The following ADAMTS18 variants were observed in gnomAD, a reference collection of about 807,000 sequenced individuals.
ADAMTS18 encodes ADAM metallopeptidase with thrombospondin type 1 motif 18.
In ADAMTS18, 157 loss-of-function variants were observed where a neutral mutation model predicts 165.9. That is an observed-to-expected ratio of 0.95 (90% confidence interval 0.83 to 1.08). ADAMTS18 has a LOEUF of 1.08. ADAMTS18 is among the 50% of genes least tolerant of loss of function. ADAMTS18 has a pLI of 0.00. For missense variants in ADAMTS18, 2,040 were observed against 1,534.0 expected (o/e 1.33, Z -5.51); for synonymous variants, 782 against 578.2 (o/e 1.35, Z -5.06).
intron 22 of ADAMTS18, among the ~76,000 whole-genome samples, chr16:77,285,690 C>T (rs2055236792): frequency 6.6e-6 from 1 of 152,150 alleles, no homozygotes; most frequent in African/African-American, 2.4e-5. Context: ...TAATTACTAA[C>T]AGCTGGTTGT....
intron 19 of ADAMTS18, 33 bp downstream of exon 19, chr16:77,294,890 G>A (rs373078127): frequency 6.0e-5 from 97 of 1,608,562 alleles, no homozygotes; most frequent in Non-Finnish European, 7.3e-5. Flanking sequence ...CATGGGGACC[G>A]AGAATAGTAA....
intron 3 of ADAMTS18, among the ~76,000 whole-genome samples, chr16:77,400,955 A>G (rs1019836908): frequency 6.6e-6 from 1 of 151,882 alleles, no homozygotes; most frequent in African/African-American, 2.4e-5. Context: ...CTCAGGCTCT[A>G]TTTTGAAAGA....
At chr16:77,338,925 G>A (rs1300587028) in intron 11 of ADAMTS18, among the ~76,000 whole-genome samples, 2 of 145,826 alleles carry the variant, frequency 1.4e-5, no homozygotes, top group East Asian at 4.1e-4. Flanking sequence ...CTGCACTCCA[G>A]CCTGGGCGAC....
intron 16 of ADAMTS18, among the ~76,000 whole-genome samples, chr16:77,300,890 G>A (rs1041801599): frequency 1.3e-5 from 2 of 152,110 alleles, no homozygotes; most frequent in African/African-American, 4.8e-5. Context: ...GGTGCTAGTG[G>A]AAGTTGAAAC....
intron 3 of ADAMTS18, among the ~76,000 whole-genome samples, chr16:77,375,066 A>C (rs955021326): frequency 1.3e-5 from 2 of 152,192 alleles, no homozygotes; most frequent in Non-Finnish European, 2.9e-5. Context: ...GAAAACAAGC[A>C]AAGTCTGGCT....
chr16:77,341,837 T>C (rs760357222), intron 10 of ADAMTS18, 38 bp from the exon 11 acceptor site: 12 of 1,465,592 alleles, frequency 8.2e-6, no homozygotes, highest in Non-Finnish European at 1.0e-5. Context: ...TTAATGGTGA[T>C]ATACAATAAA....
At chr16:77,298,520 G>A (rs997914001) in intron 17 of ADAMTS18, among the ~76,000 whole-genome samples, 2 of 152,116 alleles carry the variant, frequency 1.3e-5, no homozygotes, top group Non-Finnish European at 1.5e-5. Flanking sequence ...GGCCGGGCAC[G>A]ATGGCTCACA....
chr16:77,374,309 C>G (rs7191769), intron 3 of ADAMTS18, among the ~76,000 whole-genome samples: 5,963 of 151,886 alleles, frequency 0.039, 344 homozygotes, highest in African/African-American at 0.13. Flanking sequence ...GAGAAGGAAA[C>G]CAGACATAGG....
rs780342971 is a variant in ADAMTS18, at chr16:77,298,755, G to A, written c.2675-1340C>T. On this transcript the variant is annotated intron_variant, in intron 17 of 22. Transcript: ENST00000282849. Reference sequence around the variant, plus strand: ...AGCAGTGAGCCGTAATTGTGCTACTGCATTCCAGCCTGGGTGACAGAGTGA... The same window carrying A: ...AGCAGTGAGCCGTAATTGTGCTACTACATTCCAGCCTGGGTGACAGAGTGA... Among the ~76,000 whole-genome samples the A allele has an allele frequency of 3.1e-4, 47 of 152,204 alleles. 2 individuals are homozygous for A. The highest frequency in any genetic ancestry group is 1.3e-4 in the Non-Finnish European group (9 of 68,042).
At chr16:77,338,953 CAA>C (rs58380516) in intron 11 of ADAMTS18, among the ~76,000 whole-genome samples, 6,829 of 113,492 alleles carry the variant, frequency 0.06, 418 homozygotes, top group African/African-American at 0.17. Context: ...GACTCCATCT[CAA>C]AAAAAAAAAA....
rs539434815 is a variant in ADAMTS18 at position 77,368,034 on chromosome 16, G to A, written c.496-311C>T. On this transcript the variant is annotated intron_variant, in intron 3 of 22. Coordinates refer to ENST00000282849, the MANE Select transcript of ADAMTS18 (RefSeq NM_199355.4). ...TGAGACTACAGGCACGTGCTACCAC[G>A]GCCAAATCACTTTTACACTTTTTAT... 3.3e-5 allele frequency among the ~76,000 whole-genome samples: 5 copies of A among 152,160 alleles called. No homozygotes were observed. The East Asian group carries it at 5.8e-4, about 18-fold the overall frequency.
intron 16 of ADAMTS18, among the ~76,000 whole-genome samples, chr16:77,305,710 C>G (rs1265314287): frequency 1.3e-5 from 2 of 152,164 alleles, no homozygotes; most frequent in Non-Finnish European, 2.9e-5. Flanking sequence ...ATTTGGTGGC[C>G]TTGATTATAT....
rs1444648874 is a variant in ADAMTS18, at chr16:77,322,365, T to G, written c.2134A>C (p.Asn712His). Residue 712 changes from asparagine to histidine, a missense_variant, in exon 14 of 23, where the codon AAT becomes CAT. By Grantham distance (68) the Asn-to-His change is moderately conservative. Transcript: ENST00000282849. ...CAAACCCCGTCAATACAAACATCAT[T>G]TTTGTTTGGGGAGCAGGGAGTTCCA... ...KDGTPCSPNK[N>H]DVCIDGVCEL... is the part of the protein sequence containing the mutation. 1 of 1,613,736 alleles carries G rather than the reference T, an allele frequency of 6.2e-7. No homozygotes were observed. Among genetic ancestry groups the G allele is most frequent in the Non-Finnish European group, 8.5e-7 (1 of 1,179,930 alleles).
At chr16:77,378,658 T>C (rs2056988519) in intron 3 of ADAMTS18, among the ~76,000 whole-genome samples, 1 of 152,014 alleles carries the variant, frequency 6.6e-6, no homozygotes, top group Non-Finnish European at 1.5e-5. Flanking sequence ...GAGGTTGCAG[T>C]GAGCCCAGAT....
rs974587083 is a variant in ADAMTS18 at position 77,283,194 on chromosome 16, T to C, written c.*762A>G. On this transcript the variant is annotated 3_prime_UTR_variant, in exon 23 of 23. Coordinates refer to ENST00000282849, the MANE Select transcript of ADAMTS18 (RefSeq NM_199355.4). ...CAAGCACCAAAAGTTACGAGGTTGA[T>C]AACATGTGAAGGGCATCCATATTTA... 1 of 152,592 alleles carries C rather than the reference T, an allele frequency of 6.6e-6. No individual in the cohort carries two copies. The highest frequency in any genetic ancestry group is 1.5e-5 in the Non-Finnish European group (1 of 68,048). 9.5% of individuals were successfully genotyped at this position (152,592 alleles called of 1,614,324 possible). A position where few individuals can be genotyped will look rare whatever the true frequency, so the allele number is the denominator to read the frequency against.
At chr16:77,314,902 A>G (rs2055860063) in intron 16 of ADAMTS18, among the ~76,000 whole-genome samples, 1 of 149,428 alleles carries the variant, frequency 6.7e-6, no homozygotes, top group Admixed American at 6.7e-5. Context: ...GGCCCTAATA[A>G]TTAGCTGGTA....
chr16:77,432,856 A>G (rs1332706481), intron 2 of ADAMTS18, among the ~76,000 whole-genome samples: 1 of 152,168 alleles, frequency 6.6e-6, no homozygotes, highest in Non-Finnish European at 1.5e-5. Flanking sequence ...ACATTAAAAA[A>G]GAATTCTCCA....
At chr16:77,420,297 T>G (rs2057585285) in intron 3 of ADAMTS18, among the ~76,000 whole-genome samples, 1 of 152,138 alleles carries the variant, frequency 6.6e-6, no homozygotes, top group South Asian at 2.1e-4. Flanking sequence ...CATGTTAAGC[T>G]GTGACACCAC....
At position 77,322,401 on chromosome 16, in the gene ADAMTS18, T is replaced by G; in HGVS notation, c.2098A>C (p.Lys700Gln). Reference sequence around the variant, plus strand: ...GAGCAGGGAGTTCCATCTTTCACTTTGCCGGACATTGCAAAAAAAAATTCA... The same window carrying G: ...GAGCAGGGAGTTCCATCTTTCACTTGGCCGGACATTGCAAAAAAAAATTCA... ...NFEFFFAMSG[K>Q]VKDGTPCSPN... The change falls in exon 14 of 23, where the codon AAA becomes CAA. Residue 700 changes from lysine (K) to glutamine (Q), a missense_variant. Physicochemically the swap from Lys to Gln is moderately conservative, Grantham distance 53. Transcript: ENST00000282849. The G allele has an allele frequency of 6.2e-7, 1 of 1,614,082 alleles. No homozygotes were observed. The highest frequency in any genetic ancestry group is 1.1e-5 in the South Asian group (1 of 91,078).
Sources: gnomAD v4.1 joint callset for allele counts (sites outside exome capture counted in the v4.1 genomes callset) on GRCh38, gnomAD v4.1.1 for gene constraint, MANE v1.5 for transcripts, NCBI Gene and HGNC (gene_info 2026-07-23, HGNC 2026-07-21) for gene names.